The following SOX5 variants were observed in gnomAD, a reference collection of about 807,000 sequenced individuals.
SOX5 encodes SRY-box transcription factor 5.
SOX5 carries 9 observed loss-of-function variants against 92.0 expected under a neutral mutation model. That is an observed-to-expected ratio of 0.10 (90% CI 0.06 to 0.17). SOX5 has a LOEUF of 0.17. Ranked by LOEUF, SOX5 falls within the 10% of genes least tolerant of loss-of-function variation. The probability of loss-of-function intolerance (pLI) is 1.00; values close to 1 mark genes in which losing one functional copy is unlikely to be tolerated. For missense variants in SOX5, 642 were observed against 944.5 expected (o/e 0.68, Z 4.20); for synonymous variants, 344 against 336.3 (o/e 1.02, Z -0.25).
chr12:24,551,193 G>A (rs768747765), intron 1 of SOX5, among the ~76,000 whole-genome samples: 3 of 152,086 alleles, frequency 2.0e-5, no homozygotes, highest in Non-Finnish European at 4.4e-5. Context: ...TCTCCCCCCA[G>A]CCCCAAACCA....
intron 3 of SOX5, among the ~76,000 whole-genome samples, chr12:24,264,853 A>G (rs1403011): frequency 0.012 from 1,805 of 152,340 alleles, 15 homozygotes; most frequent in Middle Eastern, 0.034. Flanking sequence ...GATGATGTCT[A>G]TTATAAAGGA....
chr12:23,790,344 A>G (rs2095448908), intron 3 of SOX5, among the ~76,000 whole-genome samples: 1 of 152,290 alleles, frequency 6.6e-6, no homozygotes, highest in African/African-American at 2.4e-5. Context: ...TTAAATATGA[A>G]TAAAGTTTTC....
At chr12:24,487,230 C>T (rs1286362026) in intron 1 of SOX5, among the ~76,000 whole-genome samples, 2 of 152,146 alleles carry the variant, frequency 1.3e-5, no homozygotes, top group Non-Finnish European at 2.9e-5. Context: ...CCCTGCACCC[C>T]ACTATATCTG....
chr12:24,548,104 T>G (rs1952820508), intron 1 of SOX5, among the ~76,000 whole-genome samples: 1 of 152,154 alleles, frequency 6.6e-6, no homozygotes, highest in African/African-American at 2.4e-5. Flanking sequence ...GTAAATGTAA[T>G]TATACCCATT....
At chr12:23,603,045 T>G in intron 9 of SOX5, among the ~76,000 whole-genome samples, 1 of 152,080 alleles carries the variant, frequency 6.6e-6, no homozygotes, top group South Asian at 2.1e-4. Flanking sequence ...TACATATTGC[T>G]GAAAAAGCAT....
chr12:24,038,233 A>G (rs1486128212), intron 4 of SOX5, among the ~76,000 whole-genome samples: 1 of 152,200 alleles, frequency 6.6e-6, no homozygotes, highest in Non-Finnish European at 1.5e-5. Context: ...TAAAACGTGT[A>G]TCTTGGGTTC....
At position 24,078,794 on chromosome 12, in the gene SOX5, C is replaced by T. The variant is rs144949787; in HGVS notation, c.-2+134549G>A. On this transcript the variant is annotated intron_variant, in intron 4 of 4. Coordinates refer to the SOX5 transcript ENST00000446891. ...AATTTCCAGGAACTACAAGGGTTTT[C>T]GAAAACTTTATTTAGCATTTCTAGA... Among the ~76,000 whole-genome samples, 1,308 of 152,068 alleles carry T rather than the reference C, an allele frequency of 8.6e-3. 15 individuals are homozygous for T. Among genetic ancestry groups the T allele is most frequent in the African/African-American group, 0.029 (1,210 of 41,506 alleles).
intron 3 of SOX5, among the ~76,000 whole-genome samples, chr12:23,778,267 C>A (rs1050552460): frequency 2.6e-5 from 4 of 152,146 alleles, no homozygotes; most frequent in South Asian, 4.1e-4. Context: ...TTCTATTCAA[C>A]TAAAAGAATA....
At chr12:24,153,289 T>A (rs1951841227) in intron 4 of SOX5, among the ~76,000 whole-genome samples, 1 of 152,144 alleles carries the variant, frequency 6.6e-6, no homozygotes, top group South Asian at 2.1e-4. Context: ...CCTCTGGCAA[T>A]GAGCTACTCA....
chr12:24,375,810 A>T (rs1012463998), intron 1 of SOX5, among the ~76,000 whole-genome samples: 5 of 152,104 alleles, frequency 3.3e-5, no homozygotes, highest in African/African-American at 1.2e-4. Context: ...AAGTGGATGA[A>T]CTTTGACCCC....
intron 2 of SOX5, among the ~76,000 whole-genome samples, chr12:23,851,382 T>C (rs1036430036): frequency 6.6e-6 from 1 of 152,148 alleles, no homozygotes; most frequent in Non-Finnish European, 1.5e-5. Flanking sequence ...CCAATATTAA[T>C]GTTCCTAAAA....
intron 8 of SOX5, chr12:23,632,242 T>A (rs557395006): frequency 6.6e-6 from 1 of 152,124 alleles, no homozygotes; most frequent in Non-Finnish European, 1.5e-5. Flanking sequence ...ATTCAGTCTT[T>A]TAACCTGCAA....
chr12:23,837,894 G>GATATATTTATATTTATATAATATATAAT lies in SOX5; in HGVS notation c.481+8088_481+8089insATTATATATTATATAAATATAAATATAT, dbSNP rs1568209886. Among the ~76,000 whole-genome samples, 5 of 104,310 alleles carry GATATATTTATATTTATATAATATATAAT rather than the reference G, an allele frequency of 4.8e-5. No individual in the cohort carries two copies. In the East Asian group the frequency reaches 1.5e-3, roughly 30 times the overall value. The allele number at this position is 104,310 out of a possible 152,430, so 68.4% of individuals were successfully genotyped here. ...ATATTTATATTTATATAATATATAA[G>GATATATTTATATTTATATAATATATAAT]ATATATTTATATTTATATACTATGT... On this transcript the variant is annotated intron_variant, in intron 3 of 14. Transcript: ENST00000451604.
At chr12:23,708,861 G>T (rs1375087754) in intron 6 of SOX5, among the ~76,000 whole-genome samples, 1 of 152,164 alleles carries the variant, frequency 6.6e-6, no homozygotes, top group Non-Finnish European at 1.5e-5. Flanking sequence ...AAATTCACAA[G>T]ATTAGGACTT....
In SOX5 at chr12:24,452,928, T is replaced by G. The variant is rs1942522060; in HGVS notation, c.-250-84289A>C. On this transcript the variant is annotated intron_variant, in intron 1 of 4. Transcript: ENST00000446891. ...AGGTCATGAAAGTTAGCAAACCAGC[T>G]GGCTTCAATGCAAAGTAATTAAATA... 2.0e-5 allele frequency among the ~76,000 whole-genome samples: 3 copies of G among 152,222 alleles called. No homozygotes were observed. In the South Asian group the frequency reaches 6.2e-4, roughly 31 times the overall value.
At chr12:24,324,024 G>C (rs1016601949) in intron 2 of SOX5, among the ~76,000 whole-genome samples, 1 of 152,142 alleles carries the variant, frequency 6.6e-6, no homozygotes, top group African/African-American at 2.4e-5. Context: ...GCAGCTTAGT[G>C]AAAGCAAATG....
At position 24,289,570 on chromosome 12, in the gene SOX5, C is replaced by T. The variant is rs988923979; in HGVS notation, c.-173-12258G>A. On this transcript the variant is annotated intron_variant, in intron 2 of 4. Transcript: ENST00000446891. ...CCGGGTTCACGCCATTCTCCTGCCT[C>T]AGCCTCCCAAGTAGCTGGGACTACA... Among the ~76,000 whole-genome samples the T allele has an allele frequency of 3.3e-4, 46 of 141,538 alleles. 4 individuals are homozygous for T. In the East Asian group the frequency reaches 9.5e-3, roughly 29 times the overall value. 92.9% of individuals were successfully genotyped at this position (141,538 alleles called of 152,430 possible). A position where few individuals can be genotyped will look rare whatever the true frequency, so the allele number is the denominator to read the frequency against.
intron 1 of SOX5, among the ~76,000 whole-genome samples, chr12:24,401,539 G>A (rs60534722): frequency 0.17 from 25,632 of 150,620 alleles, 2,238 homozygotes; most frequent in East Asian, 0.2. Context: ...GCGAGACCTC[G>A]TCTCTACAAA....
At chr12:23,927,808 G>A (rs956843107) in intron 1 of SOX5, among the ~76,000 whole-genome samples, 1 of 152,024 alleles carries the variant, frequency 6.6e-6, no homozygotes, top group Non-Finnish European at 1.5e-5. Flanking sequence ...ATGATCACGA[G>A]TAAGACCAAA....
Sources: gnomAD v4.1 joint callset for allele counts (sites outside exome capture counted in the v4.1 genomes callset) on GRCh38, gnomAD v4.1.1 for gene constraint, MANE v1.5 for transcripts, NCBI Gene and HGNC (gene_info 2026-07-23, HGNC 2026-07-21) for gene names.